Variants in PPP3CC observed in about 807,000 individuals in gnomAD.
PPP3CC encodes serine/threonine-protein phosphatase 2B catalytic subunit gamma isoform.
A neutral mutation model predicts 60.3 loss-of-function variants in PPP3CC; 35 were observed. The observed-to-expected ratio is 0.58, with a 90% CI of 0.44 to 0.77. PPP3CC has a LOEUF of 0.77. Among genes scored for constraint, PPP3CC ranks in the 30% least tolerant of loss-of-function variants. The pLI is 0.00. For missense variants in PPP3CC, 570 were observed against 628.9 expected (o/e 0.91, Z 1.00); for synonymous variants, 206 against 224.3 (o/e 0.92, Z 0.73).
chr8:22,530,172 T>A (rs978211857), intron 10 of PPP3CC, among the ~76,000 whole-genome samples: 3 of 152,194 alleles, frequency 2.0e-5, no homozygotes, highest in African/African-American at 7.2e-5. Flanking sequence ...GTGTTTTTAT[T>A]TATGGTATAG....
chr8:22,517,974 C>T (rs371636795), intron 6 of PPP3CC, among the ~76,000 whole-genome samples: 10 of 151,588 alleles, frequency 6.6e-5, no homozygotes, highest in African/African-American at 2.2e-4. Flanking sequence ...TTTTTTAAAT[C>T]GGCATTTATT....
intron 3 of PPP3CC, among the ~76,000 whole-genome samples, chr8:22,480,540 G>T (rs1355356531): frequency 6.6e-6 from 1 of 152,144 alleles, no homozygotes; most frequent in Non-Finnish European, 1.5e-5. Context: ...GTGCAGTGGT[G>T]CAATCTCAGC....
At chr8:22,473,514 A>C (rs1211517103) in intron 1 of PPP3CC, among the ~76,000 whole-genome samples, 1 of 151,840 alleles carries the variant, frequency 6.6e-6, no homozygotes, top group African/African-American at 2.4e-5. Context: ...CCCAGGCTGA[A>C]GTGCAGTGTC....
At chr8:22,446,544 C>T (rs999667071) in intron 1 of PPP3CC, among the ~76,000 whole-genome samples, 3 of 152,130 alleles carry the variant, frequency 2.0e-5, no homozygotes, top group Non-Finnish European at 2.9e-5. Context: ...AATTTTTAGG[C>T]CAGGCGTGGT....
chr8:22,480,888 G>A (rs1232605483), intron 3 of PPP3CC, among the ~76,000 whole-genome samples: 1 of 152,146 alleles, frequency 6.6e-6, no homozygotes, highest in Non-Finnish European at 1.5e-5. Context: ...ATGTGTCCAG[G>A]AGTTCAAGAC....
chr8:22,499,550 A>G (rs1838702822), intron 4 of PPP3CC, among the ~76,000 whole-genome samples: 1 of 152,230 alleles, frequency 6.6e-6, no homozygotes, highest in South Asian at 2.1e-4. Context: ...TCAGCCCAGG[A>G]GTTCTACACC....
intron 4 of PPP3CC, among the ~76,000 whole-genome samples, chr8:22,507,664 C>T (rs1323083974): frequency 6.6e-6 from 1 of 152,134 alleles, no homozygotes; most frequent in East Asian, 1.9e-4. Context: ...ACAGTATGTA[C>T]TAAGTGCCAG....
chr8:22,454,125 C>G (rs747848100), intron 1 of PPP3CC, among the ~76,000 whole-genome samples: 6 of 152,202 alleles, frequency 3.9e-5, no homozygotes, highest in Non-Finnish European at 7.4e-5. Flanking sequence ...CTCTTGTACT[C>G]ATACTTAGCT....
chr8:22,500,831 A>T (rs1838740164), intron 4 of PPP3CC, among the ~76,000 whole-genome samples: 1 of 152,244 alleles, frequency 6.6e-6, no homozygotes, highest in Non-Finnish European at 1.5e-5. Flanking sequence ...AATTACCAGG[A>T]AGTTTTAAAT....
chr8:22,514,033 G>T (rs1839168508), intron 6 of PPP3CC, among the ~76,000 whole-genome samples: 1 of 152,096 alleles, frequency 6.6e-6, no homozygotes, highest in South Asian at 2.1e-4. Flanking sequence ...ATCACTTAAG[G>T]CCAGGAGTTC....
At chr8:22,471,389 G>A (rs1837716457) in intron 1 of PPP3CC, among the ~76,000 whole-genome samples, 1 of 150,112 alleles carries the variant, frequency 6.7e-6, no homozygotes, top group African/African-American at 2.5e-5. Flanking sequence ...CGAGAAATGT[G>A]TCATGAGATG....
chr8:22,457,788 A>G (rs1837248989), intron 1 of PPP3CC, among the ~76,000 whole-genome samples: 1 of 152,256 alleles, frequency 6.6e-6, no homozygotes. Flanking sequence ...GGTAGAATAA[A>G]TGTGTTAAAC....
At chr8:22,537,529 C>G (rs1839870968) in intron 12 of PPP3CC, among the ~76,000 whole-genome samples, 1 of 152,146 alleles carries the variant, frequency 6.6e-6, no homozygotes, top group South Asian at 2.1e-4. Context: ...ATAGAATTGA[C>G]TTATTACTCA....
intron 6 of PPP3CC, among the ~76,000 whole-genome samples, chr8:22,520,470 A>G (rs1839376493): frequency 6.6e-6 from 1 of 152,148 alleles, no homozygotes; most frequent in South Asian, 2.1e-4. Flanking sequence ...ATGTTGTCCC[A>G]TAAGTCCTGT....
In PPP3CC at chr8:22,503,509, C is replaced by A. The variant is rs974407367; in HGVS notation, c.484+5397C>A. On this transcript the variant is annotated intron_variant, in intron 4 of 13. Coordinates refer to ENST00000240139, the MANE Select transcript of PPP3CC (RefSeq NM_005605.5). Reference sequence around the variant, plus strand: ...TTAGGTGACATTTTTCTTAATTATTCTTTTGTCTTATCAGATTTTTTTTAT... The same window carrying A: ...TTAGGTGACATTTTTCTTAATTATTATTTTGTCTTATCAGATTTTTTTTAT... 6.6e-5 allele frequency among the ~76,000 whole-genome samples: 10 copies of A among 152,002 alleles called. No individual in the cohort carries two copies. The East Asian group carries it at 1.9e-3, about 29-fold the overall frequency.
At chr8:22,450,124 C>A (rs1836965592) in intron 1 of PPP3CC, among the ~76,000 whole-genome samples, 1 of 152,134 alleles carries the variant, frequency 6.6e-6, no homozygotes, top group Admixed American at 6.6e-5. Context: ...CCACCTTGGT[C>A]TCCCAAAGTG....
chr8:22,539,574 A>C (rs1448791116), intron 13 of PPP3CC, 76 bp downstream of exon 13: 16 of 1,438,376 alleles, frequency 1.1e-5, no homozygotes, highest in Non-Finnish European at 1.4e-5. Context: ...CAACATTTCA[A>C]ATATTTTATT....
chr8:22,536,363 A>G (rs191441767), intron 12 of PPP3CC, among the ~76,000 whole-genome samples: 6 of 152,372 alleles, frequency 3.9e-5, no homozygotes, highest in Admixed American at 2.0e-4. Flanking sequence ...GGAATGTCCT[A>G]TAGCATCCTT....
At chr8:22,457,203 C>T (rs1837229504) in intron 1 of PPP3CC, among the ~76,000 whole-genome samples, 1 of 150,678 alleles carries the variant, frequency 6.6e-6, no homozygotes, top group Admixed American at 6.7e-5. Context: ...CTCCTTTCTT[C>T]CTTTTAGTAT....
Sources: allele counts gnomAD v4.1 joint callset (sites outside exome capture counted in the v4.1 genomes callset), GRCh38; gene constraint gnomAD v4.1.1; transcripts MANE v1.5; gene names NCBI Gene and HGNC (gene_info 2026-07-23, HGNC 2026-07-21).